LARGE1: variants seen among roughly 807,000 people sequenced by gnomAD.
LARGE1 encodes xylosyl- and glucuronyltransferase LARGE1.
In LARGE1, 43 loss-of-function variants were observed where a neutral mutation model predicts 87.6. That is an observed-to-expected ratio of 0.49 (90% confidence interval 0.38 to 0.63). The LOEUF is 0.63. Among genes scored for constraint, LARGE1 ranks in the 30% least tolerant of loss-of-function variants. The pLI is 0.00. For missense variants in LARGE1, 802 were observed against 1,000.2 expected, an observed-to-expected ratio of 0.80 and a Z score of 2.67; for synonymous variants, 434 against 394.6, an observed-to-expected ratio of 1.10 and a Z score of -1.18.
intron 5 of LARGE1, among the ~76,000 whole-genome samples, chr22:33,566,659 T>TG (rs1164717848): frequency 1.3e-5 from 2 of 152,202 alleles, no homozygotes; most frequent in African/African-American, 4.8e-5. Flanking sequence ...CGCTGCTGGC[T>TG]GGGGTGGCCA....
intron 3 of LARGE1, among the ~76,000 whole-genome samples, chr22:33,648,711 A>C (rs2080697928): frequency 6.6e-6 from 1 of 152,210 alleles, no homozygotes; most frequent in South Asian, 2.1e-4. Flanking sequence ...TGGTTGTCAA[A>C]GACTAAAGGG....
At chr22:33,775,085 A>AC (rs1288860084) in intron 1 of LARGE1, among the ~76,000 whole-genome samples, 2 of 152,208 alleles carry the variant, frequency 1.3e-5, no homozygotes, top group African/African-American at 4.8e-5. Context: ...ATACCCAGGT[A>AC]CCATACTGAC....
chr22:33,383,212 T>C (rs941648919), intron 8 of LARGE1, among the ~76,000 whole-genome samples: 2 of 152,298 alleles, frequency 1.3e-5, no homozygotes, highest in African/African-American at 4.8e-5. Flanking sequence ...AAAGTCAGAC[T>C]GGAGCCCTCT....
chr22:33,816,733 C>CAGACAGATAGACAGACAGACAGAT, intron 1 of LARGE1, among the ~76,000 whole-genome samples: 1 of 150,128 alleles, frequency 6.7e-6, no homozygotes, highest in East Asian at 2.0e-4. Flanking sequence ...GACAGACAGA[C>CAGACAGATAGACAGACAGACAGAT]AGATACAGAA....
intron 1 of LARGE1, among the ~76,000 whole-genome samples, chr22:33,828,789 A>G (rs536097007): frequency 6.6e-6 from 1 of 152,302 alleles, no homozygotes; most frequent in African/African-American, 2.4e-5. Context: ...TGCTACAAGA[A>G]GAGAAGGAAA....
chr22:33,247,882 G>A (rs780468664), intron 11 of LARGE1, among the ~76,000 whole-genome samples: 8 of 152,154 alleles, frequency 5.3e-5, no homozygotes, highest in Non-Finnish European at 2.9e-5. Context: ...CTGAGGAACT[G>A]AGAAACACTA....
chr22:33,163,269 T>C (rs992009688), exon 12 of LARGE1: 11 of 152,214 alleles, frequency 7.2e-5, no homozygotes, highest in Admixed American at 6.5e-4. Flanking sequence ...CTTTTCGCTA[T>C]TTACCAATTT....
intron 7 of LARGE1, among the ~76,000 whole-genome samples, chr22:33,386,789 G>C (rs1475021763): frequency 6.7e-6 from 1 of 148,932 alleles, no homozygotes; most frequent in Non-Finnish European, 1.5e-5. Context: ...ACTGATTTAA[G>C]AAAATATATT....
Position 33,761,415 on chromosome 22 carries a change from A to T in LARGE1, c.62T>A (p.Ile21Asn). Residue 21 changes from isoleucine to asparagine, a missense_variant, in exon 2 of 15, where the codon ATC (isoleucine) becomes AAC (asparagine). This residue lies in a region of LARGE1 where 177 missense variants were observed against 158.3 expected (regional missense o/e 1.12). Coordinates refer to ENST00000397394, the MANE Select transcript of LARGE1 (RefSeq NM_133642.5). The part of the protein sequence containing the change: ...FLAASLSLLC[I>N]PAITWIYLFS... ...CAGGTAAATCCAGGTGATGGCTGGG[A>T]TGCAGAGAAGACTCAACGAGGCAGC... The T allele has an allele frequency of 1.2e-6, 2 of 1,613,990 alleles. No homozygotes were observed. Among genetic ancestry groups the T allele is most frequent in the Non-Finnish European group, 1.7e-6 (2 of 1,180,010 alleles).
intron 6 of LARGE1, among the ~76,000 whole-genome samples, chr22:33,465,632 C>A (rs2068576258): frequency 6.6e-6 from 1 of 152,180 alleles, no homozygotes; most frequent in African/African-American, 2.4e-5. Flanking sequence ...CTTTAAGTGT[C>A]TATTCACACG....
intron 2 of LARGE1, among the ~76,000 whole-genome samples, chr22:33,662,076 CAAA>C (rs34470280): frequency 1.8e-4 from 10 of 54,902 alleles, no homozygotes; most frequent in African/African-American, 4.3e-4. Context: ...GCTTAGGAGC[CAAA>C]AAAAAAAAAA....
At chr22:33,457,603 T>G (rs1384851028) in intron 6 of LARGE1, among the ~76,000 whole-genome samples, 2 of 151,650 alleles carry the variant, frequency 1.3e-5, no homozygotes, top group African/African-American at 4.9e-5. Context: ...CTAAGAGACA[T>G]AAGACAAAAA....
chr22:33,118,414 C>CCTGGGAGGTCAAGG, the LARGE1 span, among the ~76,000 whole-genome samples: 4 of 151,616 alleles, frequency 2.6e-5, no homozygotes, highest in African/African-American at 9.7e-5. Flanking sequence ...ATTGCTTGGG[C>CCTGGGAGGTCAAGG]CTGGGAGGTC....
At chr22:33,570,050 C>A (rs2078149212) in intron 5 of LARGE1, among the ~76,000 whole-genome samples, 1 of 152,186 alleles carries the variant, frequency 6.6e-6, no homozygotes, top group South Asian at 2.1e-4. Flanking sequence ...TTGTTGAGCC[C>A]TGAAGCCTGG....
intron 1 of LARGE1, among the ~76,000 whole-genome samples, chr22:33,804,119 C>A (rs1271321085): frequency 1.3e-5 from 2 of 152,196 alleles, no homozygotes; most frequent in African/African-American, 4.8e-5. Context: ...GAGAACATAG[C>A]AATCCTGACT....
At chr22:33,780,576 A>T (rs1293854565) in intron 1 of LARGE1, among the ~76,000 whole-genome samples, 1 of 152,202 alleles carries the variant, frequency 6.6e-6, no homozygotes, top group Non-Finnish European at 1.5e-5. Context: ...TCAGCAACTG[A>T]CTATGACCCT....
intron 6 of LARGE1, among the ~76,000 whole-genome samples, chr22:33,476,815 G>A (rs906689554): frequency 3.3e-5 from 5 of 151,812 alleles, no homozygotes; most frequent in African/African-American, 1.2e-4. Flanking sequence ...AAACTCAAAC[G>A]GCGATGTCAG....
At chr22:33,212,801 A>C (rs1181106448) in intron 11 of LARGE1, among the ~76,000 whole-genome samples, 1 of 152,138 alleles carries the variant, frequency 6.6e-6, no homozygotes, top group Admixed American at 6.6e-5. Flanking sequence ...GTGGATCATG[A>C]GATCAGGAGA....
rs566655459 is a variant in LARGE1 at position 33,319,241 on chromosome 22, G to A, written c.1288-2993C>T. On this transcript the variant is annotated intron_variant, in intron 10 of 14. Coordinates refer to ENST00000397394, the MANE Select transcript of LARGE1 (RefSeq NM_133642.5). Reference sequence around the variant, plus strand: ...GGAAGTAATATTGTCTCAGTCTTGAGGCTAGACCTCAAGAGAAAGTGTTTC... The same window carrying A: ...GGAAGTAATATTGTCTCAGTCTTGAAGCTAGACCTCAAGAGAAAGTGTTTC... 3.3e-5 allele frequency among the ~76,000 whole-genome samples: 5 copies of A among 152,256 alleles called. No homozygotes were observed. In the South Asian group the frequency reaches 1.0e-3, roughly 32 times the overall value.
Sources: gnomAD v4.1 joint callset for allele counts (sites outside exome capture counted in the v4.1 genomes callset) on GRCh38, gnomAD v4.1.1 for gene constraint, gnomAD v4.1.1 regional missense constraint, MANE v1.5 for transcripts, NCBI Gene and HGNC (gene_info 2026-07-23, HGNC 2026-07-21) for gene names.